The following ARMH3 variants were observed in gnomAD, a reference collection of about 807,000 sequenced individuals.
ARMH3 encodes armadillo-like helical domain-containing protein 3.
In ARMH3, 60 loss-of-function variants were observed where a neutral mutation model predicts 99.1. That is an observed-to-expected ratio of 0.61 (90% CI 0.49 to 0.75). The LOEUF is 0.75. Among genes scored for constraint, ARMH3 ranks in the 30% least tolerant of loss-of-function variants. The pLI, the probability that ARMH3 is intolerant of heterozygous loss-of-function variation, is 0.00. For synonymous variants in ARMH3, 285 were observed against 292.8 expected (o/e 0.97, Z 0.27); for missense variants, 679 against 843.1 (o/e 0.81, Z 2.41).
At chr10:101,959,316 G>A (rs1439323509) in intron 20 of ARMH3, among the ~76,000 whole-genome samples, 2 of 152,092 alleles carry the variant, frequency 1.3e-5, no homozygotes, top group Non-Finnish European at 2.9e-5. Context: ...GAGCTACGTG[G>A]GGGCTGCCCA....
intron 23 of ARMH3, among the ~76,000 whole-genome samples, chr10:101,932,950 A>G (rs1210470072): frequency 6.6e-6 from 1 of 152,130 alleles, no homozygotes; most frequent in Admixed American, 6.6e-5. Flanking sequence ...ACTTTGGGAG[A>G]CTGAGGCAGG....
At chr10:101,907,371 T>C (rs1187209698) in intron 23 of ARMH3, among the ~76,000 whole-genome samples, 1 of 151,824 alleles carries the variant, frequency 6.6e-6, no homozygotes, top group Non-Finnish European at 1.5e-5. Flanking sequence ...ATAACTGTTT[T>C]TGTCTTTGTT....
intron 24 of ARMH3, among the ~76,000 whole-genome samples, chr10:101,883,616 A>G (rs2067469116): frequency 6.6e-6 from 1 of 152,050 alleles, no homozygotes; most frequent in Non-Finnish European, 1.5e-5. Flanking sequence ...AATACCTGCC[A>G]TCTACATTTA....
chr10:101,956,535 C>G (rs1251845335), intron 22 of ARMH3, 62 bp downstream of exon 22: 1 of 1,578,196 alleles, frequency 6.3e-7, no homozygotes, highest in African/African-American at 1.4e-5. Flanking sequence ...TAGTCTTTTC[C>G]TCTTATATGC....
intron 1 of ARMH3, among the ~76,000 whole-genome samples, chr10:102,049,269 C>A (rs761432915): frequency 6.6e-6 from 1 of 152,172 alleles, no homozygotes; most frequent in Admixed American, 6.5e-5. Context: ...AGGGCTGGCA[C>A]GGTGGCTCAC....
chr10:101,878,055 C>T (rs952459120), intron 24 of ARMH3, among the ~76,000 whole-genome samples: 2 of 151,898 alleles, frequency 1.3e-5, no homozygotes, highest in African/African-American at 2.4e-5. Flanking sequence ...GTCAGGAGTT[C>T]GAGACTAGCC....
intron 24 of ARMH3, among the ~76,000 whole-genome samples, chr10:101,858,620 C>A (rs1269031350): frequency 5.9e-5 from 9 of 152,202 alleles, no homozygotes; most frequent in Admixed American, 5.9e-4. Flanking sequence ...TCTGTCCCCA[C>A]CCTTTCTGGA....
chr10:101,934,943 C>T (rs912642376), intron 23 of ARMH3, among the ~76,000 whole-genome samples: 82 of 151,800 alleles, frequency 5.4e-4, no homozygotes, highest in African/African-American at 2.2e-4. Context: ...AAGTTTAGGA[C>T]GGGTTTTAGA....
intron 13 of ARMH3, among the ~76,000 whole-genome samples, chr10:102,006,979 G>A (rs1024803228): frequency 7.9e-5 from 12 of 151,404 alleles, no homozygotes; most frequent in Non-Finnish European, 5.9e-5. Context: ...TGGCCAACAC[G>A]GTGAAACCCC....
At chr10:102,045,906 C>T (rs531231641) in intron 1 of ARMH3, among the ~76,000 whole-genome samples, 115 of 152,056 alleles carry the variant, frequency 7.6e-4, no homozygotes, top group Non-Finnish European at 1.5e-3. Context: ...ACCAGCCTAA[C>T]CAACATGGAG....
chr10:102,037,179 TTTTC>T (rs1705890345), intron 2 of ARMH3, among the ~76,000 whole-genome samples: 1 of 151,180 alleles, frequency 6.6e-6, no homozygotes, highest in African/African-American at 2.4e-5. Context: ...CTGGATTTTG[TTTTC>T]TTTTTTTTTT....
chr10:101,891,951 A>C (rs537140296), intron 23 of ARMH3, among the ~76,000 whole-genome samples: 1 of 151,878 alleles, frequency 6.6e-6, no homozygotes, highest in East Asian at 2.0e-4. Flanking sequence ...TCTACAAAAA[A>C]TACAAAAAAA....
intron 25 of ARMH3, among the ~76,000 whole-genome samples, chr10:101,848,428 A>G (rs768537532): frequency 3.3e-5 from 5 of 152,194 alleles, no homozygotes; most frequent in African/African-American, 7.2e-5. Flanking sequence ...GGAATCTGGC[A>G]GACTCTTCAA....
At chr10:101,943,019 A>T (rs966762463) in intron 22 of ARMH3, among the ~76,000 whole-genome samples, 1 of 152,208 alleles carries the variant, frequency 6.6e-6, no homozygotes, top group African/African-American at 2.4e-5. Context: ...CCCTAAAAGG[A>T]GGAAAACAAA....
intron 19 of ARMH3, among the ~76,000 whole-genome samples, chr10:101,990,154 A>G (rs1846716070): frequency 6.6e-6 from 1 of 151,860 alleles, no homozygotes; most frequent in African/African-American, 2.4e-5. Context: ...TGTTTTTCTT[A>G]AAGTATACAC....
intron 23 of ARMH3, among the ~76,000 whole-genome samples, chr10:101,906,594 G>A (rs929108344): frequency 6.6e-6 from 1 of 152,168 alleles, no homozygotes; most frequent in African/African-American, 2.4e-5. Flanking sequence ...CTACTGACTG[G>A]GTAGCAGACA....
chr10:102,029,596 A>G (rs1377222106), intron 5 of ARMH3, 42 bp downstream of exon 5: 1 of 1,614,260 alleles, frequency 6.2e-7, no homozygotes, highest in Admixed American at 1.7e-5. Flanking sequence ...AACAGCTGTC[A>G]GAAGCTGCCA....
intron 24 of ARMH3, among the ~76,000 whole-genome samples, chr10:101,880,661 C>T (rs1022609934): frequency 6.6e-6 from 1 of 152,156 alleles, no homozygotes; most frequent in Non-Finnish European, 1.5e-5. Context: ...AACCCCCGGC[C>T]CCCCAGCAAT....
chr10:102,021,597 G>A (rs1590195506), intron 8 of ARMH3, among the ~76,000 whole-genome samples: 1 of 151,674 alleles, frequency 6.6e-6, no homozygotes, highest in East Asian at 1.9e-4. Flanking sequence ...ACCTAGGCTG[G>A]AGTGCAGTGG....
Sources: gnomAD v4.1 joint callset for allele counts (sites outside exome capture counted in the v4.1 genomes callset) on GRCh38, gnomAD v4.1.1 for gene constraint, MANE v1.5 for transcripts, NCBI Gene and HGNC (gene_info 2026-07-23, HGNC 2026-07-21) for gene names.